The following PTPRD variants were observed in gnomAD, a reference collection of about 807,000 sequenced individuals.
The protein encoded by PTPRD is receptor-type tyrosine-protein phosphatase delta.
In PTPRD, 34 loss-of-function variants were observed where a neutral mutation model predicts 214.5. The observed-to-expected ratio is 0.16, with a 90% CI of 0.12 to 0.21. The LOEUF (loss-of-function observed/expected upper bound fraction) is 0.21. Ranked by LOEUF, PTPRD falls within the 10% of genes least tolerant of loss-of-function variation. The pLI is 1.00. For synonymous variants in PTPRD, 1,128 were observed against 845.7 expected (o/e 1.33, Z -5.79); for missense variants, 2,545 against 2,398.7 (o/e 1.06, Z -1.27).
intron 10 of PTPRD, among the ~76,000 whole-genome samples, chr9:9,073,674 C>T (rs1272617106): frequency 1.3e-5 from 2 of 152,134 alleles, no homozygotes; most frequent in Non-Finnish European, 2.9e-5. Context: ...TCCAGCCTGT[C>T]GGCTTGCCCT....
intron 37 of PTPRD, among the ~76,000 whole-genome samples, chr9:8,377,691 A>G (rs983729420): frequency 3.9e-5 from 6 of 152,118 alleles, no homozygotes; most frequent in African/African-American, 1.4e-4. Flanking sequence ...GTATTTTACA[A>G]TAGGGAATAC....
intron 2 of PTPRD, among the ~76,000 whole-genome samples, chr9:10,486,320 C>T (rs2132435998): frequency 6.6e-6 from 1 of 152,186 alleles, no homozygotes; most frequent in Non-Finnish European, 1.5e-5. Flanking sequence ...TTGGGTTTTA[C>T]CTTTAAGTCT....
At chr9:10,537,265 A>G (rs944141541) in intron 2 of PTPRD, among the ~76,000 whole-genome samples, 1 of 152,164 alleles carries the variant, frequency 6.6e-6, no homozygotes, top group South Asian at 2.1e-4. Context: ...AGCTGACATG[A>G]TATCTCTTAC....
intron 26 of PTPRD, among the ~76,000 whole-genome samples, chr9:8,495,319 C>A (rs1316715025): frequency 2.6e-5 from 4 of 152,198 alleles, no homozygotes; most frequent in Admixed American, 1.3e-4. Flanking sequence ...TTCTCTTCCT[C>A]AGTTCTTAGC....
At chr9:8,752,307 G>A (rs1233562202) in intron 11 of PTPRD, among the ~76,000 whole-genome samples, 2 of 152,072 alleles carry the variant, frequency 1.3e-5, no homozygotes, top group African/African-American at 4.8e-5. Context: ...AGTGACCTCT[G>A]GTCGTCCTCA....
At chr9:9,174,814 G>A (rs2099923629) in intron 10 of PTPRD, among the ~76,000 whole-genome samples, 1 of 152,024 alleles carries the variant, frequency 6.6e-6, no homozygotes, top group Non-Finnish European at 1.5e-5. Flanking sequence ...ATGTGCTAAT[G>A]ATTTTCTTTT....
intron 3 of PTPRD, among the ~76,000 whole-genome samples, chr9:10,149,922 G>T (rs1363276551): frequency 1.3e-5 from 2 of 151,786 alleles, no homozygotes; most frequent in South Asian, 2.1e-4. Flanking sequence ...GTAGAGATGG[G>T]GTTTCACCAT....
At chr9:10,454,631 G>A (rs1278315129) in intron 2 of PTPRD, among the ~76,000 whole-genome samples, 1 of 151,516 alleles carries the variant, frequency 6.6e-6, no homozygotes, top group Non-Finnish European at 1.5e-5. Context: ...CTCTCCCATA[G>A]TTCTTGCATC....
At chr9:8,716,749 C>T (rs1405983341) in intron 12 of PTPRD, among the ~76,000 whole-genome samples, 1 of 152,126 alleles carries the variant, frequency 6.6e-6, no homozygotes, top group Non-Finnish European at 1.5e-5. Flanking sequence ...TCATGAGATA[C>T]AACACAAACT....
intron 11 of PTPRD, among the ~76,000 whole-genome samples, chr9:8,955,140 T>C (rs1320710650): frequency 1.3e-5 from 2 of 151,912 alleles, no homozygotes; most frequent in Non-Finnish European, 2.9e-5. Context: ...GATATAATAA[T>C]ACTCTTAAAA....
chr9:8,702,100 C>CT (rs1431859276), intron 12 of PTPRD, among the ~76,000 whole-genome samples: 1 of 152,106 alleles, frequency 6.6e-6, no homozygotes, highest in African/African-American at 2.4e-5. Context: ...TGCTCTCCTA[C>CT]TTTTTGTAGC....
rs568983893 is a variant in PTPRD, at chr9:9,680,764, A to T, written c.-287+53769T>A. On this transcript the variant is annotated intron_variant, in intron 7 of 45. Coordinates refer to ENST00000381196, the MANE Select transcript of PTPRD (RefSeq NM_002839.4). The stretch of plus-strand genomic sequence containing the variant: ...CTATTTGGGGAGTAACTAACAGAGG[A>T]AGAGGAGAAAAGAAAAAAAAAATTG... Among the ~76,000 whole-genome samples, 87 of 149,638 alleles carry T rather than the reference A, an allele frequency of 5.8e-4. 1 individual carries two copies. In the South Asian group the frequency reaches 0.018, roughly 31 times the overall value.
intron 6 of PTPRD, among the ~76,000 whole-genome samples, chr9:9,742,441 T>C (rs1665247656): frequency 6.6e-6 from 1 of 152,202 alleles, no homozygotes; most frequent in Non-Finnish European, 1.5e-5. Context: ...TAATAAATGG[T>C]AATTTATAGA....
At chr9:8,671,164 T>C (rs967046082) in intron 12 of PTPRD, among the ~76,000 whole-genome samples, 4 of 152,140 alleles carry the variant, frequency 2.6e-5, no homozygotes, top group Non-Finnish European at 5.9e-5. Flanking sequence ...AGAAAATAAA[T>C]GTATTCTAAA....
At chr9:9,950,272 T>A (rs139841826) in intron 4 of PTPRD, among the ~76,000 whole-genome samples, 230 of 152,276 alleles carry the variant, frequency 1.5e-3, no homozygotes, top group African/African-American at 5.4e-3. Flanking sequence ...TGCTGTGAAT[T>A]CTTGTTTAGA....
At chr9:9,156,637 C>A (rs566110895) in intron 10 of PTPRD, among the ~76,000 whole-genome samples, 25 of 152,136 alleles carry the variant, frequency 1.6e-4, no homozygotes, top group South Asian at 4.2e-4. Context: ...TGATTCACAG[C>A]GGCGTCATGT....
At chr9:9,333,374 T>G (rs934919609) in intron 9 of PTPRD, among the ~76,000 whole-genome samples, 2 of 150,136 alleles carry the variant, frequency 1.3e-5, no homozygotes, top group African/African-American at 4.9e-5. Context: ...GAGGATGGAG[T>G]AAAGACAGAG....
chr9:9,248,413 A>G (rs368493938), intron 9 of PTPRD, among the ~76,000 whole-genome samples: 49 of 152,160 alleles, frequency 3.2e-4, no homozygotes, highest in African/African-American at 1.2e-3. Context: ...GATTTTTAAC[A>G]TCAAAGTTGC....
intron 12 of PTPRD, among the ~76,000 whole-genome samples, chr9:8,681,952 A>C (rs1034244090): frequency 1.3e-5 from 2 of 152,192 alleles, no homozygotes; most frequent in Non-Finnish European, 2.9e-5. Flanking sequence ...CGGTAGGAGA[A>C]GACAATGGAA....
Sources: allele counts gnomAD v4.1 joint callset (sites outside exome capture counted in the v4.1 genomes callset), GRCh38; gene constraint gnomAD v4.1.1; transcripts MANE v1.5; gene names NCBI Gene and HGNC (gene_info 2026-07-23, HGNC 2026-07-21).